The following ZMYND8 variants were observed in gnomAD, a reference collection of about 807,000 sequenced individuals.
The protein encoded by ZMYND8 is MYND-type zinc finger-containing chromatin reader ZMYND8.
In ZMYND8, 37 loss-of-function variants were observed where a neutral mutation model predicts 140.8. The ratio of observed to expected loss-of-function variants is 0.26; its 90% CI spans 0.20 to 0.35. ZMYND8 has a LOEUF of 0.35. ZMYND8 is among the 10% of genes least tolerant of loss of function. The pLI, the probability that ZMYND8 is intolerant of heterozygous loss-of-function variation, is 1.00. For synonymous variants in ZMYND8, 592 were observed against 597.1 expected, an observed-to-expected ratio of 0.99 and a Z score of 0.12; for missense variants, 1,068 against 1,570.0, an observed-to-expected ratio of 0.68 and a Z score of 5.40.
At chr20:47,299,208 G>C (rs994242837) in intron 3 of ZMYND8, among the ~76,000 whole-genome samples, 2 of 152,140 alleles carry the variant, frequency 1.3e-5, no homozygotes, top group Admixed American at 1.3e-4. Flanking sequence ...TAGCAGAATG[G>C]CACATTGCCT....
intron 2 of ZMYND8, among the ~76,000 whole-genome samples, chr20:47,322,809 A>G (rs953924631): frequency 6.6e-6 from 1 of 152,204 alleles, no homozygotes; most frequent in African/African-American, 2.4e-5. Flanking sequence ...CCCCACCTCC[A>G]TCACGGTTGA....
chr20:47,342,471 A>G (rs1195184690), intron 2 of ZMYND8, among the ~76,000 whole-genome samples: 1 of 150,396 alleles, frequency 6.6e-6, no homozygotes, highest in Non-Finnish European at 1.5e-5. Context: ...TGCTTGAACC[A>G]GGGAAGTGGA....
intron 1 of ZMYND8, chr20:47,352,762 G>C (rs1033250613): frequency 6.5e-6 from 1 of 153,862 alleles, no homozygotes. Context: ...AATCGGGATG[G>C]GGGGGACAGG....
intron 3 of ZMYND8, 21 bp downstream of exon 3, chr20:47,310,035 C>T (rs370794933): frequency 1.5e-5 from 24 of 1,613,898 alleles, no homozygotes; most frequent in African/African-American, 1.1e-4. Context: ...GTGAGGACAC[C>T]GTTCCCAGCG....
intron 16 of ZMYND8, among the ~76,000 whole-genome samples, chr20:47,235,823 G>C (rs1213511829): frequency 1.3e-5 from 2 of 152,208 alleles, no homozygotes; most frequent in Non-Finnish European, 2.9e-5. Flanking sequence ...ACTTAATGGG[G>C]ACTGTGCCCC....
At chr20:47,241,750 C>T (rs2039995108) in intron 14 of ZMYND8, among the ~76,000 whole-genome samples, 1 of 151,964 alleles carries the variant, frequency 6.6e-6, no homozygotes, top group African/African-American at 2.4e-5. Flanking sequence ...GCCAGCACCC[C>T]GATCTTGGAC....
chr20:47,240,554 T>C (rs2039834853), intron 14 of ZMYND8, among the ~76,000 whole-genome samples: 1 of 151,330 alleles, frequency 6.6e-6, no homozygotes, highest in South Asian at 2.1e-4. Context: ...ATAAAATGAG[T>C]TTATTTTATT....
intron 10 of ZMYND8, among the ~76,000 whole-genome samples, chr20:47,279,262 G>A (rs966461680): frequency 3.3e-5 from 5 of 152,066 alleles, no homozygotes; most frequent in African/African-American, 9.7e-5. Context: ...GTGAGGTCAG[G>A]AGCTTGAGAC....
chr20:47,324,832 CCTCCAGA>C (rs1334006606), intron 2 of ZMYND8, among the ~76,000 whole-genome samples: 7 of 152,206 alleles, frequency 4.6e-5, no homozygotes, highest in African/African-American at 1.7e-4. Context: ...CAGCCTCCAG[CCTCCAGA>C]CTCCTTATTA....
chr20:47,232,901 T>G, intron 16 of ZMYND8, among the ~76,000 whole-genome samples: 1 of 57,748 alleles, frequency 1.7e-5, no homozygotes, highest in East Asian at 6.3e-4. Flanking sequence ...TTTTTTGTTT[T>G]TTTTGTTTTT....
chr20:47,342,315 C>A (rs891030164), intron 2 of ZMYND8, among the ~76,000 whole-genome samples: 2 of 151,896 alleles, frequency 1.3e-5, no homozygotes, highest in South Asian at 2.1e-4. Flanking sequence ...GAGGCCGAGG[C>A]GGGCGGATTA....
chr20:47,249,644 G>A (rs1310829984), intron 12 of ZMYND8, among the ~76,000 whole-genome samples: 1 of 142,266 alleles, frequency 7.0e-6, no homozygotes, highest in African/African-American at 2.5e-5. Context: ...ACGTTTGGCA[G>A]GTTTAAACAG....
Position 47,232,915 on chromosome 20 carries a change from T to G in ZMYND8, c.2857-3109A>C, listed in dbSNP as rs917766114. On this transcript the variant is annotated intron_variant, in intron 16 of 22. Coordinates refer to ENST00000471951, the MANE Select transcript of ZMYND8 (RefSeq NM_001281775.3). ...TTTTTTTGTTTTTTTTGTTTTTTTT[T>G]TTTTTTGAGACAGAGGAGTTTCGCT... Among the ~76,000 whole-genome samples, 300 of 125,502 alleles carry G rather than the reference T, an allele frequency of 2.4e-3. 5 individuals carry two copies. In the South Asian group the frequency reaches 0.035, roughly 15 times the overall value. The allele number at this position is 125,502 out of a possible 152,430, so 82.3% of individuals were successfully genotyped here. A position where few individuals can be genotyped will look rare whatever the true frequency, so the allele number is the denominator to read the frequency against.
intron 12 of ZMYND8, among the ~76,000 whole-genome samples, chr20:47,255,861 G>A (rs2074667181): frequency 6.9e-6 from 1 of 145,626 alleles, no homozygotes; most frequent in Non-Finnish European, 1.5e-5. Flanking sequence ...ATATACTGAG[G>A]TCAGGAGTTC....
At chr20:47,346,254 C>T (rs2082326884) in intron 2 of ZMYND8, among the ~76,000 whole-genome samples, 1 of 152,078 alleles carries the variant, frequency 6.6e-6, no homozygotes, top group African/African-American at 2.4e-5. Context: ...AACAAGGGGG[C>T]TGAGAAGTGG....
At chr20:47,333,933 TAAGA>T (rs1313157116) in intron 2 of ZMYND8, among the ~76,000 whole-genome samples, 3 of 149,510 alleles carry the variant, frequency 2.0e-5, no homozygotes, top group African/African-American at 7.4e-5. Context: ...AAAAGGAAAT[TAAGA>T]AAGGGAAGGA....
chr20:47,275,313 G>A (rs1037031168), intron 11 of ZMYND8, among the ~76,000 whole-genome samples: 10 of 152,078 alleles, frequency 6.6e-5, no homozygotes, highest in African/African-American at 2.4e-4. Flanking sequence ...CCAACATGGT[G>A]AAACCCTGTC....
chr20:47,231,658 C>T (rs1460511092), intron 16 of ZMYND8, among the ~76,000 whole-genome samples: 1 of 152,216 alleles, frequency 6.6e-6, no homozygotes, highest in East Asian at 1.9e-4. Context: ...GAGATTTCCG[C>T]TCCCGGCTTG....
At chr20:47,271,795 C>T (rs1330707815) in intron 11 of ZMYND8, among the ~76,000 whole-genome samples, 1 of 152,162 alleles carries the variant, frequency 6.6e-6, no homozygotes, top group Non-Finnish European at 1.5e-5. Flanking sequence ...GATTCTCCTG[C>T]CTCAGCCTCC....
Sources: gnomAD v4.1 joint callset for allele counts (sites outside exome capture counted in the v4.1 genomes callset) on GRCh38, gnomAD v4.1.1 for gene constraint, MANE v1.5 for transcripts, NCBI Gene and HGNC (gene_info 2026-07-23, HGNC 2026-07-21) for gene names.